The following AUTS2 variants were observed in gnomAD, a reference collection of about 807,000 sequenced individuals.
AUTS2 encodes activator of transcription and developmental regulator AUTS2, also known as autism susceptibility gene 2 protein.
Under a neutral mutation model 112.4 loss-of-function variants are expected in AUTS2, and 17 were observed. The ratio of observed to expected loss-of-function variants is 0.15; its 90% CI spans 0.10 to 0.23. The LOEUF (loss-of-function observed/expected upper bound fraction) is 0.23. AUTS2 is among the 10% of genes least tolerant of loss of function. The probability of loss-of-function intolerance (pLI) is 1.00; values close to 1 mark genes in which losing one functional copy is unlikely to be tolerated. For missense variants in AUTS2, 1,510 were observed against 1,701.6 expected, an observed-to-expected ratio of 0.89 and a Z score of 1.98; for synonymous variants, 751 against 702.7, an observed-to-expected ratio of 1.07 and a Z score of -1.09.
rs61424087 is a variant in AUTS2, at chr7:70,787,610, T to C, written c.2531+179T>C. ...CGCAGTCCCCATGGCCCATAGCATATGGTGACCGTAGGAGATAGCAGAGCT... is the reference window on the plus strand; with the variant it reads ...CGCAGTCCCCATGGCCCATAGCATACGGTGACCGTAGGAGATAGCAGAGCT... On this transcript the variant is annotated intron_variant, in intron 18 of 18. Coordinates refer to ENST00000342771, the MANE Select transcript of AUTS2 (RefSeq NM_015570.4). Among the ~76,000 whole-genome samples, 3,504 of 152,174 alleles carry C rather than the reference T, an allele frequency of 0.023. 139 individuals carry two copies. Among genetic ancestry groups the C allele is most frequent in the African/African-American group, 0.078 (3,257 of 41,498 alleles).
At chr7:69,655,336 C>T (rs1357042486) in intron 1 of AUTS2, among the ~76,000 whole-genome samples, 1 of 152,074 alleles carries the variant, frequency 6.6e-6, no homozygotes, top group Non-Finnish European at 1.5e-5. Context: ...TAATTTGGGG[C>T]CTGTCATATT....
intron 6 of AUTS2, among the ~76,000 whole-genome samples, chr7:70,757,565 T>C (rs1183088152): frequency 6.6e-6 from 1 of 152,164 alleles, no homozygotes; most frequent in Non-Finnish European, 1.5e-5. Flanking sequence ...TGAGTACTTT[T>C]TCCTTTTATT....
chr7:70,419,793 GT>G (rs536461020), intron 4 of AUTS2, among the ~76,000 whole-genome samples: 1 of 152,062 alleles, frequency 6.6e-6, no homozygotes, highest in Non-Finnish European at 1.5e-5. Context: ...GCATTTACAT[GT>G]TTTTTTCTAA....
At chr7:70,358,987 T>C (rs1267227427) in intron 4 of AUTS2, among the ~76,000 whole-genome samples, 2 of 152,236 alleles carry the variant, frequency 1.3e-5, no homozygotes, top group East Asian at 3.8e-4. Flanking sequence ...GCTGGGGTCT[T>C]GTGCAAAAGA....
chr7:70,484,997 G>T (rs1406483479), intron 5 of AUTS2, among the ~76,000 whole-genome samples: 4 of 152,202 alleles, frequency 2.6e-5, no homozygotes, highest in Admixed American at 6.5e-5. Context: ...TGTTGCCGTG[G>T]TTGTGGTAAA....
chr7:70,656,122 C>G (rs1434404126), intron 5 of AUTS2, among the ~76,000 whole-genome samples: 1 of 151,854 alleles, frequency 6.6e-6, no homozygotes, highest in Non-Finnish European at 1.5e-5. Flanking sequence ...CAGAGGTGCT[C>G]TGTACCTCTG....
At chr7:70,564,025 CT>C (rs1315949788) in intron 5 of AUTS2, among the ~76,000 whole-genome samples, 1 of 152,124 alleles carries the variant, frequency 6.6e-6, no homozygotes, top group Non-Finnish European at 1.5e-5. Context: ...TTTAAGTCGG[CT>C]TTTTATTTTA....
intron 1 of AUTS2, among the ~76,000 whole-genome samples, chr7:69,609,393 C>T (rs1215125238): frequency 6.6e-6 from 1 of 152,136 alleles, no homozygotes; most frequent in Non-Finnish European, 1.5e-5. Flanking sequence ...AGTGTATCAC[C>T]CTGAAATTAG....
At chr7:70,479,273 T>C (rs1246663426) in intron 5 of AUTS2, among the ~76,000 whole-genome samples, 1 of 152,168 alleles carries the variant, frequency 6.6e-6, no homozygotes, top group Non-Finnish European at 1.5e-5. Flanking sequence ...CTTGGAGGGT[T>C]TTATGAGTTA....
At chr7:69,856,439 T>C (rs531924654) in intron 1 of AUTS2, among the ~76,000 whole-genome samples, 3 of 152,338 alleles carry the variant, frequency 2.0e-5, no homozygotes, top group South Asian at 2.1e-4. Context: ...AATTAACACC[T>C]GAACTGGTAA....
chr7:70,371,044 G>A (rs960518974), intron 4 of AUTS2, among the ~76,000 whole-genome samples: 2 of 152,156 alleles, frequency 1.3e-5, no homozygotes, highest in African/African-American at 4.8e-5. Flanking sequence ...TAAAGGCTAA[G>A]AAGGAATTGG....
rs548534007 is a variant in AUTS2, at chr7:70,578,393, G to A, written c.691-120176G>A. ...ATGAGCATGGCATGAAGGCAAGGAA[G>A]TGTGCATGCTGCACATTTTCTGTCC... On this transcript the variant is annotated intron_variant, in intron 5 of 18. Transcript: ENST00000342771. 8.5e-4 allele frequency among the ~76,000 whole-genome samples: 130 copies of A among 152,382 alleles called. No individual in the cohort carries two copies. In the Middle Eastern group the frequency reaches 0.014, roughly 16 times the overall value.
In AUTS2 at chr7:70,227,639, T is replaced by A. The variant is rs1283330633; in HGVS notation, c.660+93068T>A. Among the ~76,000 whole-genome samples the A allele has an allele frequency of 2.0e-5, 3 of 152,258 alleles. No individual in the cohort carries two copies. In the East Asian group the frequency reaches 5.8e-4, roughly 29 times the overall value. On this transcript the variant is annotated intron_variant, in intron 4 of 18. Transcript: ENST00000342771. ...TCATGAAAATTTGTATATTCTATTT[T>A]TATTTCTATTCCGTTCAAAATATCT... is the stretch of plus-strand genomic sequence containing the variant.
chr7:70,024,348 G>A (rs532037965), intron 2 of AUTS2, among the ~76,000 whole-genome samples: 1 of 152,282 alleles, frequency 6.6e-6, no homozygotes, highest in African/African-American at 2.4e-5. Context: ...TGTGTTACAT[G>A]AAATTATAAT....
intron 1 of AUTS2, among the ~76,000 whole-genome samples, chr7:69,619,608 CTATCAATTATGTGT>C (rs556232886): frequency 6.6e-6 from 1 of 151,858 alleles, no homozygotes; most frequent in Non-Finnish European, 1.5e-5. Flanking sequence ...TTCAGAAGTG[CTATCAATTATGTGT>C]TATGTGTGGC....
intron 5 of AUTS2, among the ~76,000 whole-genome samples, chr7:70,672,179 G>A (rs11771201): frequency 0.37 from 56,525 of 152,154 alleles, 10,756 homozygotes; most frequent in Middle Eastern, 0.47. Flanking sequence ...AGATACAGAA[G>A]TGTAAGGCAG....
At chr7:70,280,078 G>A (rs1788131985) in intron 4 of AUTS2, among the ~76,000 whole-genome samples, 1 of 152,062 alleles carries the variant, frequency 6.6e-6, no homozygotes, top group African/African-American at 2.4e-5. Context: ...ATTATGGGGA[G>A]AGGTCAATTA....
At chr7:69,693,286 G>A (rs1220756384) in intron 1 of AUTS2, among the ~76,000 whole-genome samples, 2 of 152,200 alleles carry the variant, frequency 1.3e-5, no homozygotes, top group East Asian at 3.9e-4. Context: ...AATCTTAGCA[G>A]CCCATTTCCC....
chr7:70,507,993 A>G (rs977358387), intron 5 of AUTS2, among the ~76,000 whole-genome samples: 3 of 152,206 alleles, frequency 2.0e-5, no homozygotes, highest in African/African-American at 4.8e-5. Flanking sequence ...TCATAGCCCA[A>G]TGGTGTTAAC....
Sources: gnomAD v4.1 joint callset for allele counts (sites outside exome capture counted in the v4.1 genomes callset) on GRCh38, gnomAD v4.1.1 for gene constraint, MANE v1.5 for transcripts, NCBI Gene and HGNC (gene_info 2026-07-23, HGNC 2026-07-21) for gene names.